PLEKHA8: variants seen among roughly 807,000 people sequenced by gnomAD.
PLEKHA8 encodes pleckstrin homology domain-containing family A member 8.
PLEKHA8 carries 36 observed loss-of-function variants against 68.2 expected under a neutral mutation model. The ratio of observed to expected loss-of-function variants is 0.53; its 90% CI spans 0.40 to 0.70. PLEKHA8 has a LOEUF of 0.70. PLEKHA8 is among the 30% of genes least tolerant of loss of function. The probability of loss-of-function intolerance (pLI) is 0.00; values close to 1 mark genes in which losing one functional copy is unlikely to be tolerated. For synonymous variants in PLEKHA8, 211 were observed against 216.1 expected, an observed-to-expected ratio of 0.98 and a Z score of 0.20; for missense variants, 505 against 615.4, an observed-to-expected ratio of 0.82 and a Z score of 1.90.
At chr7:30,128,117 T>C (rs1299387480) in intron 13 of PLEKHA8, among the ~76,000 whole-genome samples, 1 of 151,560 alleles carries the variant, frequency 6.6e-6, no homozygotes, top group Non-Finnish European at 1.5e-5. Context: ...TTTTTACTTA[T>C]TTATTTTGAG....
intron 13 of PLEKHA8, among the ~76,000 whole-genome samples, chr7:30,109,472 C>T (rs897245748): frequency 9.3e-5 from 14 of 150,806 alleles, no homozygotes; most frequent in African/African-American, 3.4e-4. Context: ...CCTGTAATCC[C>T]AGCTACTCGG....
At chr7:30,037,500 G>A (rs918447715) in intron 1 of PLEKHA8, among the ~76,000 whole-genome samples, 5 of 152,168 alleles carry the variant, frequency 3.3e-5, no homozygotes, top group Middle Eastern at 3.4e-3. Context: ...TTTTGTATTA[G>A]GATAGGTTTT....
Position 30,080,572 on chromosome 7 carries a change from A to C in PLEKHA8, c.*1785A>C. 1 of 985,414 alleles carries C rather than the reference A, an allele frequency of 1.0e-6. No individual in the cohort carries two copies. The highest frequency in any genetic ancestry group is 4.7e-5 in the South Asian group (1 of 21,290). 61.0% of individuals were successfully genotyped at this position (985,414 alleles called of 1,614,324 possible). ...TCTTTAAACAAATGAACATTTATTT[A>C]GCTCAGATTAATTAGGTATTTTGCC... On this transcript the variant is annotated 3_prime_UTR_variant, in exon 14 of 14. Coordinates refer to ENST00000449726, the MANE Select transcript of PLEKHA8 (RefSeq NM_001197026.2).
At chr7:30,070,400 C>T (rs889628406) in intron 12 of PLEKHA8, among the ~76,000 whole-genome samples, 2 of 152,170 alleles carry the variant, frequency 1.3e-5, no homozygotes, top group Non-Finnish European at 2.9e-5. Flanking sequence ...TTTGGACTCA[C>T]AGCACCTTTG....
intron 13 of PLEKHA8, among the ~76,000 whole-genome samples, chr7:30,109,717 G>T (rs528840856): frequency 6.8e-6 from 1 of 148,090 alleles, no homozygotes; most frequent in South Asian, 2.1e-4. Flanking sequence ...TGTCACCCAG[G>T]CTGGAGTGCA....
intron 13 of PLEKHA8, among the ~76,000 whole-genome samples, chr7:30,103,025 G>A (rs557397388): frequency 1.3e-5 from 2 of 152,298 alleles, no homozygotes; most frequent in South Asian, 4.1e-4. Flanking sequence ...GATTTGATTG[G>A]CCCTCTGCAC....
intron 13 of PLEKHA8, among the ~76,000 whole-genome samples, chr7:30,116,300 A>G (rs1796557953): frequency 6.6e-6 from 1 of 151,686 alleles, no homozygotes; most frequent in African/African-American, 2.4e-5. Flanking sequence ...GTATTCATAC[A>G]TGTATACATA....
intron 1 of PLEKHA8, among the ~76,000 whole-genome samples, chr7:30,034,159 C>G (rs1461758565): frequency 6.6e-6 from 1 of 151,250 alleles, no homozygotes; most frequent in Non-Finnish European, 1.5e-5. Context: ...CAGGTGTGTG[C>G]CACCATGCCT....
chr7:30,115,880 G>T (rs921290845), intron 13 of PLEKHA8: 1 of 142,824 alleles, frequency 7.0e-6, no homozygotes, highest in Non-Finnish European at 1.5e-5. Flanking sequence ...ATGTAGGCAC[G>T]CATACATGCG....
At chr7:30,096,026 G>A (rs1048062239) in intron 13 of PLEKHA8, among the ~76,000 whole-genome samples, 1 of 152,090 alleles carries the variant, frequency 6.6e-6, no homozygotes, top group African/African-American at 2.4e-5. Flanking sequence ...TTGGTTCCAT[G>A]TGAAGTCTAA....
chr7:30,083,208 T>C lies in PLEKHA8; in HGVS notation c.*4421T>C. Reference sequence around the variant, plus strand: ...GGCTCTACACAAACTTCATTATGTATGGTAAATTTGTATTCTTATGGATTG... The same window carrying C: ...GGCTCTACACAAACTTCATTATGTACGGTAAATTTGTATTCTTATGGATTG... On this transcript the variant is annotated 3_prime_UTR_variant, in exon 14 of 14. Transcript: ENST00000449726. 1.0e-6 allele frequency: 1 copy of C among 983,578 alleles called. No homozygotes were observed. Among genetic ancestry groups the C allele is most frequent in the African/African-American group, 1.7e-5 (1 of 57,332 alleles). 60.9% of individuals were successfully genotyped at this position (983,578 alleles called of 1,614,324 possible). A position where few individuals can be genotyped will look rare whatever the true frequency, so the allele number is the denominator to read the frequency against.
At chr7:30,032,535 C>CTGAA (rs987250993) in intron 1 of PLEKHA8, among the ~76,000 whole-genome samples, 1 of 152,180 alleles carries the variant, frequency 6.6e-6, no homozygotes, top group Non-Finnish European at 1.5e-5. Context: ...CGTGGGTTTG[C>CTGAA]TGAAGGTCAC....
intron 13 of PLEKHA8, among the ~76,000 whole-genome samples, chr7:30,097,722 G>A (rs965924127): frequency 6.6e-5 from 10 of 152,086 alleles, no homozygotes; most frequent in Non-Finnish European, 1.0e-4. Context: ...CTAGTTAGCC[G>A]TTTGTCTAAT....
intron 1 of PLEKHA8, among the ~76,000 whole-genome samples, chr7:30,039,627 A>T (rs1342366543): frequency 1.3e-5 from 2 of 152,226 alleles, no homozygotes. Context: ...TTTTCATTGC[A>T]ACTGTACAGA....
At chr7:30,049,158 A>G in intron 4 of PLEKHA8, 66 bp from the exon 5 acceptor site, 2 of 1,588,804 alleles carry the variant, frequency 1.3e-6, no homozygotes, top group Non-Finnish European at 1.7e-6. Context: ...CTCTAAGGAC[A>G]TTCCACAATT....
chr7:30,129,731 T>C (rs1394133775), downstream of PLEKHA8: 1 of 178,578 alleles, frequency 5.6e-6, no homozygotes, highest in African/African-American at 2.4e-5. Flanking sequence ...CAGATCCTTA[T>C]AAGTTCATAA....
At chr7:30,043,386 C>G (rs79512947) in intron 1 of PLEKHA8, among the ~76,000 whole-genome samples, 1 of 152,050 alleles carries the variant, frequency 6.6e-6, no homozygotes, top group Non-Finnish European at 1.5e-5. Context: ...GAGATAAGGC[C>G]TAAGGGTTCC....
exon 14 of PLEKHA8, chr7:30,129,433 T>C (rs548827763): frequency 1.0e-5 from 11 of 1,078,528 alleles, no homozygotes; most frequent in Non-Finnish European, 1.5e-5. Flanking sequence ...CCAGATCTCA[T>C]TCATGTGAAA....
chr7:30,106,944 A>G (rs1244218961), intron 13 of PLEKHA8, among the ~76,000 whole-genome samples: 6 of 152,198 alleles, frequency 3.9e-5, no homozygotes, highest in Non-Finnish European at 7.3e-5. Flanking sequence ...AGGGTCCTGG[A>G]ACTAATCCCC....
Sources: gnomAD v4.1 joint callset for allele counts (sites outside exome capture counted in the v4.1 genomes callset) on GRCh38, gnomAD v4.1.1 for gene constraint, MANE v1.5 for transcripts, NCBI Gene and HGNC (gene_info 2026-07-23, HGNC 2026-07-21) for gene names.